The following RAD54L2 variants were observed in gnomAD, a reference collection of about 807,000 sequenced individuals.
RAD54L2 encodes RAD54 like 2, also known as helicase ARIP4.
A neutral mutation model predicts 138.4 loss-of-function variants in RAD54L2; 27 were observed. The ratio of observed to expected loss-of-function variants is 0.20; its 90% CI spans 0.14 to 0.27. RAD54L2 has a LOEUF of 0.27. Ranked by LOEUF, RAD54L2 falls within the 10% of genes least tolerant of loss-of-function variation. The pLI is 1.00. For synonymous variants in RAD54L2, 644 were observed against 723.2 expected (o/e 0.89, Z 1.76); for missense variants, 1,396 against 1,890.2 (o/e 0.74, Z 4.85).
intron 19 of RAD54L2, among the ~76,000 whole-genome samples, chr3:51,647,560 T>C (rs1386872467): frequency 1.3e-5 from 2 of 151,960 alleles, no homozygotes; most frequent in African/African-American, 4.8e-5. Flanking sequence ...TCCCAGCTAC[T>C]CGGGAGGCTG....
chr3:51,630,886 T>G lies in RAD54L2; in HGVS notation c.780T>G (p.Asn260Lys). 1 of 1,613,928 alleles carries G rather than the reference T, an allele frequency of 6.2e-7. No individual in the cohort carries two copies. The highest frequency in any genetic ancestry group is 8.5e-7 in the Non-Finnish European group (1 of 1,179,870). ...VNLNHPPEEE[N>K]VFLAPQLARA... ...TAAACCACCCTCCAGAGGAGGAAAA[T>G]GTCTTCCTTGCCCCACAGTTGGCAC... Residue 260 changes from asparagine to lysine, a missense_variant, in exon 7 of 23, where the codon AAT (asparagine) becomes AAG (lysine). By Grantham distance (94) the Asn-to-Lys change is moderately conservative. Coordinates refer to ENST00000684192, the MANE Select transcript of RAD54L2 (RefSeq NM_015106.4).
At chr3:51,584,657 A>G (rs1699675342) in intron 2 of RAD54L2, among the ~76,000 whole-genome samples, 5 of 148,440 alleles carry the variant, frequency 3.4e-5, no homozygotes, top group Admixed American at 6.8e-5. Flanking sequence ...TATGCTATAT[A>G]TACTATAATA....
intron 3 of RAD54L2, among the ~76,000 whole-genome samples, chr3:51,623,810 C>T (rs1700617873): frequency 6.6e-6 from 1 of 151,660 alleles, no homozygotes; most frequent in South Asian, 2.1e-4. Flanking sequence ...CCCATCTCTA[C>T]TAAAAATACA....
chr3:51,612,145 T>C (rs1266026752), intron 3 of RAD54L2, among the ~76,000 whole-genome samples: 2 of 152,144 alleles, frequency 1.3e-5, no homozygotes, highest in African/African-American at 4.8e-5. Flanking sequence ...GTTGAGTGAT[T>C]GGAGAAAGTG....
At chr3:51,634,629 C>G (rs926117562) in intron 9 of RAD54L2, among the ~76,000 whole-genome samples, 1 of 152,198 alleles carries the variant, frequency 6.6e-6, no homozygotes, top group Non-Finnish European at 1.5e-5. Flanking sequence ...CTTGTCCTCC[C>G]AGAGTGTTGG....
At position 51,662,881 on chromosome 3, in the gene RAD54L2, C is replaced by A; in HGVS notation, c.3865C>A (p.Pro1289Thr). The A allele has an allele frequency of 6.2e-7, 1 of 1,613,808 alleles. No homozygotes were observed. The highest frequency in any genetic ancestry group is 8.5e-7 in the Non-Finnish European group (1 of 1,179,866). The change falls in exon 23 of 23, where the codon CCA (proline) becomes ACA (threonine). Residue 1289 changes from proline to threonine, a missense_variant. By Grantham distance (38) the Pro-to-Thr change is conservative. This residue lies in a region of RAD54L2 where 634 missense variants were observed against 711.2 expected (regional missense o/e 0.89). Transcript: ENST00000684192. This position sits in a 1 kb window ranked among gnomAD's most constrained non-coding sequence, Gnocchi z 4.6. Reference protein sequence around the residue: ...APVQPYEHGYPVSGGFAMPPV... With the variant: ...APVQPYEHGYTVSGGFAMPPV... ...CGTGCAGCCGTATGAACACGGGTAT[C>A]CAGTCTCTGGCGGGTTTGCCATGCC...
intron 22 of RAD54L2, among the ~76,000 whole-genome samples, chr3:51,661,612 C>T (rs1169890004): frequency 6.6e-6 from 1 of 152,204 alleles, no homozygotes; most frequent in African/African-American, 2.4e-5. Context: ...CATTTATCCT[C>T]CCACCCCTGA....
chr3:51,596,288 G>A (rs1699963392), intron 3 of RAD54L2, among the ~76,000 whole-genome samples: 1 of 150,186 alleles, frequency 6.7e-6, no homozygotes, highest in Non-Finnish European at 1.5e-5. Flanking sequence ...TCTGTCAACT[G>A]TCCGTGATAG....
intron 22 of RAD54L2, among the ~76,000 whole-genome samples, chr3:51,661,647 G>T (rs1475717624): frequency 6.6e-6 from 1 of 152,162 alleles, no homozygotes; most frequent in Non-Finnish European, 1.5e-5. Context: ...GGGCTAGAAT[G>T]CTCTTGTTCC....
intron 1 of RAD54L2, chr3:51,541,013 C>T (rs1698534079): frequency 6.9e-6 from 1 of 144,544 alleles, no homozygotes; most frequent in South Asian, 2.2e-4. Flanking sequence ...TGCACTCCAG[C>T]CTCAGCGACA....
At chr3:51,572,260 C>A (rs1158595799) in intron 2 of RAD54L2, among the ~76,000 whole-genome samples, 1 of 151,974 alleles carries the variant, frequency 6.6e-6, no homozygotes, top group African/African-American at 2.4e-5. Flanking sequence ...ACCAGCCTGG[C>A]CAACATGGTG....
chr3:51,608,024 C>T (rs1647158549), intron 3 of RAD54L2, among the ~76,000 whole-genome samples: 1 of 151,470 alleles, frequency 6.6e-6, no homozygotes, highest in African/African-American at 2.4e-5. Flanking sequence ...CTCCTCACTT[C>T]CCGGACAGGG....
chr3:51,612,057 T>A (rs1445480919), intron 3 of RAD54L2, among the ~76,000 whole-genome samples: 2 of 152,224 alleles, frequency 1.3e-5, no homozygotes, highest in African/African-American at 4.8e-5. Context: ...TCAGCATTTA[T>A]GTTTGGCTTT....
rs1701257562 is a variant in RAD54L2 at position 51,645,550 on chromosome 3, A to C, written c.2657-41A>C. 1 of 1,544,070 alleles carries C rather than the reference A, an allele frequency of 6.5e-7. No individual in the cohort carries two copies. Among genetic ancestry groups the C allele is most frequent in the African/African-American group, 1.4e-5 (1 of 73,052 alleles). On this transcript the variant is annotated intron_variant, in intron 17 of 22. Transcript: ENST00000684192. The surrounding 1 kb of genome is among the most constrained non-coding windows in gnomAD (Gnocchi z 6.1). ...ATTATTAGTGACCTTTACAGTTTTTAATGCCATGTGCTGACTTTCTTCATG... is the reference window on the plus strand; with the variant it reads ...ATTATTAGTGACCTTTACAGTTTTTCATGCCATGTGCTGACTTTCTTCATG...
chr3:51,551,727 A>G (rs1245612629), intron 2 of RAD54L2, among the ~76,000 whole-genome samples: 2 of 148,696 alleles, frequency 1.3e-5, no homozygotes, highest in African/African-American at 2.5e-5. Flanking sequence ...GAGCCACTGC[A>G]CCCGGCCTGT....
intron 2 of RAD54L2, among the ~76,000 whole-genome samples, chr3:51,556,757 G>A (rs919328592): frequency 2.7e-4 from 41 of 152,054 alleles, no homozygotes; most frequent in African/African-American, 9.9e-4. Context: ...TGTATTTTTA[G>A]TATAGACGGG....
chr3:51,619,052 TTTTGTTTG>T (rs576578454), intron 3 of RAD54L2, among the ~76,000 whole-genome samples: 117 of 152,100 alleles, frequency 7.7e-4, no homozygotes, highest in African/African-American at 2.7e-3. Flanking sequence ...GCACTATCTT[TTTTGTTTG>T]TTTGTTTGTT....
rs564221821 is a variant in RAD54L2 at position 51,561,991 on chromosome 3, C to A, written c.-55+20341C>A. Among the ~76,000 whole-genome samples, 322 of 151,974 alleles carry A rather than the reference C, an allele frequency of 2.1e-3. 1 individual carries two copies. The highest frequency in any genetic ancestry group is 7.3e-3 in the African/African-American group (303 of 41,446). On this transcript the variant is annotated intron_variant, in intron 2 of 22. Transcript: ENST00000684192. ...CCAAGCAATCCCCCCACCTCAGCCT[C>A]CCAAGTAACTGGGACTATAGGTGTG...
chr3:51,584,906 A>G (rs1048520415), intron 2 of RAD54L2, among the ~76,000 whole-genome samples: 1 of 151,854 alleles, frequency 6.6e-6, no homozygotes, highest in Non-Finnish European at 1.5e-5. Flanking sequence ...CCCGGGCTCA[A>G]GTGATTCTCC....
Sources: allele counts gnomAD v4.1 joint callset (sites outside exome capture counted in the v4.1 genomes callset), GRCh38; gene constraint gnomAD v4.1.1; regional missense constraint gnomAD v4.1.1; non-coding constraint Gnocchi (gnomAD v3.1); transcripts MANE v1.5; gene names NCBI Gene and HGNC (gene_info 2026-07-23, HGNC 2026-07-21).